DPYD: variants seen among roughly 807,000 people sequenced by gnomAD.
DPYD encodes dihydropyrimidine dehydrogenase [NADP(+)].
In DPYD, 109 loss-of-function variants were observed where a neutral mutation model predicts 116.2. That is an observed-to-expected ratio of 0.94 (90% CI 0.80 to 1.10). The LOEUF (loss-of-function observed/expected upper bound fraction) is 1.10, where lower values mean the gene tolerates loss of function less well. Among genes scored for constraint, DPYD ranks in the 50% least tolerant of loss-of-function variants. DPYD has a pLI of 0.00. For synonymous variants in DPYD, 440 were observed against 432.0 expected (o/e 1.02, Z -0.23); for missense variants, 1,302 against 1,254.5 (o/e 1.04, Z -0.57).
intron 12 of DPYD, among the ~76,000 whole-genome samples, chr1:97,543,989 G>A (rs573646249): frequency 6.6e-6 from 1 of 152,270 alleles, no homozygotes; most frequent in Admixed American, 6.5e-5. Flanking sequence ...CCAGATTCAG[G>A]AGAAATCTTG....
At chr1:97,173,290 G>GCACACA (rs1167990454) in intron 20 of DPYD, among the ~76,000 whole-genome samples, 3 of 64,184 alleles carry the variant, frequency 4.7e-5, no homozygotes, top group Non-Finnish European at 9.3e-5. Flanking sequence ...ACACATATAT[G>GCACACA]TACACATATG....
At chr1:97,460,801 G>A (rs1001732534) in intron 13 of DPYD, among the ~76,000 whole-genome samples, 1 of 152,154 alleles carries the variant, frequency 6.6e-6, no homozygotes, top group African/African-American at 2.4e-5. Context: ...CACTTTGGGA[G>A]ACCAAGGTGG....
intron 7 of DPYD, among the ~76,000 whole-genome samples, chr1:97,689,774 G>C (rs1340185278): frequency 1.3e-5 from 2 of 152,010 alleles, no homozygotes; most frequent in Non-Finnish European, 2.9e-5. Context: ...TATGGCTAAA[G>C]TTCGTAAATC....
At chr1:97,279,957 A>G (rs1195948071) in intron 18 of DPYD, 3 of 152,208 alleles carry the variant, frequency 2.0e-5, no homozygotes, top group Non-Finnish European at 4.4e-5. Context: ...TTTTACAGAA[A>G]GGCACATTGC....
chr1:97,211,319 C>A (rs1395090092), intron 19 of DPYD, among the ~76,000 whole-genome samples: 1 of 152,108 alleles, frequency 6.6e-6, no homozygotes, highest in East Asian at 1.9e-4. Context: ...GACTCCCCAG[C>A]CAGACAAGGT....
chr1:97,895,839 C>A (rs539673147), intron 1 of DPYD, among the ~76,000 whole-genome samples: 1 of 151,834 alleles, frequency 6.6e-6, no homozygotes, highest in East Asian at 1.9e-4. Context: ...AGAGAGAATG[C>A]TTTCCATTTA....
chr1:97,311,548 A>AATC (rs1667521011), intron 16 of DPYD, among the ~76,000 whole-genome samples: 1 of 151,756 alleles, frequency 6.6e-6, no homozygotes, highest in Non-Finnish European at 1.5e-5. Flanking sequence ...GGAGAATGTA[A>AATC]ATCAGTACAA....
chr1:97,471,777 A>G (rs988104550), intron 13 of DPYD, among the ~76,000 whole-genome samples: 12 of 151,968 alleles, frequency 7.9e-5, no homozygotes, highest in African/African-American at 2.9e-4. Flanking sequence ...TTTAGTAGGG[A>G]CTGGGTTTCA....
chr1:97,398,280 T>A (rs7549522), intron 14 of DPYD, among the ~76,000 whole-genome samples: 15 of 152,152 alleles, frequency 9.9e-5, no homozygotes, highest in South Asian at 2.1e-4. Flanking sequence ...AGGAACTCAT[T>A]ATTTTTTATG....
chr1:97,486,807 C>T (rs1678666238), intron 13 of DPYD, among the ~76,000 whole-genome samples: 1 of 151,812 alleles, frequency 6.6e-6, no homozygotes, highest in African/African-American at 2.4e-5. Context: ...CTGAAAAATC[C>T]TAGAATTGAG....
intron 20 of DPYD, among the ~76,000 whole-genome samples, chr1:97,134,615 AAGAGGGTGACC>A (rs1262500983): frequency 6.6e-6 from 1 of 152,170 alleles, no homozygotes; most frequent in Non-Finnish European, 1.5e-5. Flanking sequence ...GGCTTCCTTA[AAGAGGGTGACC>A]ATTTGGTTAA....
intron 10 of DPYD, among the ~76,000 whole-genome samples, chr1:97,579,491 G>A (rs779023775): frequency 6.6e-6 from 1 of 152,220 alleles, no homozygotes; most frequent in Non-Finnish European, 1.5e-5. Flanking sequence ...CTCATCAGTT[G>A]TCAAGTTATG....
At chr1:97,110,588 A>C (rs970677858) in intron 20 of DPYD, among the ~76,000 whole-genome samples, 4 of 152,104 alleles carry the variant, frequency 2.6e-5, no homozygotes, top group Admixed American at 1.3e-4. Context: ...ATAACAAAAC[A>C]ATTTCTGTGA....
At chr1:97,529,771 TTCTTTC>T (rs1302448901) in intron 12 of DPYD, among the ~76,000 whole-genome samples, 1 of 123,088 alleles carries the variant, frequency 8.1e-6, no homozygotes, top group African/African-American at 3.8e-5. Context: ...TTTCTCTTTC[TTCTTTC>T]TTTCTCTTTT....
At chr1:97,549,092 GTC>G (rs1651121703) in intron 12 of DPYD, among the ~76,000 whole-genome samples, 2 of 151,630 alleles carry the variant, frequency 1.3e-5, no homozygotes, top group African/African-American at 4.8e-5. Context: ...TTGAGACAAG[GTC>G]TCTCTCTGTT....
At chr1:97,225,794 C>A (rs1011968565) in intron 19 of DPYD, among the ~76,000 whole-genome samples, 1 of 151,924 alleles carries the variant, frequency 6.6e-6, no homozygotes, top group Admixed American at 6.6e-5. Flanking sequence ...TAGCCAAGGC[C>A]AATGTCTAGG....
chr1:97,354,172 C>T (rs2101354439), intron 16 of DPYD, among the ~76,000 whole-genome samples: 1 of 152,312 alleles, frequency 6.6e-6, no homozygotes, highest in Admixed American at 6.5e-5. Flanking sequence ...CATGATGGGA[C>T]ATTAGGGCAT....
At chr1:97,161,593 T>C (rs1655900309) in intron 20 of DPYD, among the ~76,000 whole-genome samples, 1 of 151,888 alleles carries the variant, frequency 6.6e-6, no homozygotes, top group Admixed American at 6.6e-5. Context: ...TATTATACTT[T>C]AAGTTTTAGG....
At chr1:97,117,471 G>T (rs1652066510) in intron 20 of DPYD, among the ~76,000 whole-genome samples, 1 of 152,136 alleles carries the variant, frequency 6.6e-6, no homozygotes, top group African/African-American at 2.4e-5. Context: ...TGTTTCTTAT[G>T]TACTAATTCA....
Sources: allele counts gnomAD v4.1 joint callset (sites outside exome capture counted in the v4.1 genomes callset), GRCh38; gene constraint gnomAD v4.1.1; transcripts MANE v1.5; gene names NCBI Gene and HGNC (gene_info 2026-07-23, HGNC 2026-07-21).